The following RUFY1 variants were observed in gnomAD, a reference collection of about 807,000 sequenced individuals.
RUFY1 encodes the protein RUN and FYVE domain-containing protein 1.
Under a neutral mutation model 94.6 loss-of-function variants are expected in RUFY1, and 54 were observed. The ratio of observed to expected loss-of-function variants is 0.57; its 90% CI spans 0.46 to 0.72. The LOEUF (loss-of-function observed/expected upper bound fraction) is 0.72. Among genes scored for constraint, RUFY1 ranks in the 30% least tolerant of loss-of-function variants. RUFY1 has a pLI of 0.00. For synonymous variants in RUFY1, 396 were observed against 347.3 expected (o/e 1.14, Z -1.56); for missense variants, 883 against 883.9 (o/e 1.00, Z 0.01).
intron 6 of RUFY1, among the ~76,000 whole-genome samples, chr5:179,580,245 A>ATATATATAT (rs59300402): frequency 0.018 from 1,488 of 81,630 alleles, 28 homozygotes; most frequent in Middle Eastern, 0.033. Context: ...GTGTGTGTAT[A>ATATATATAT]TTTTTTTTTT....
At chr5:179,571,233 C>T (rs753869223) in intron 5 of RUFY1, among the ~76,000 whole-genome samples, 5 of 152,152 alleles carry the variant, frequency 3.3e-5, no homozygotes, top group East Asian at 1.9e-4. Context: ...ACATGGCTCA[C>T]GCCTGTAATT....
intron 15 of RUFY1, among the ~76,000 whole-genome samples, chr5:179,605,114 A>AG (rs1242371978): frequency 6.6e-6 from 1 of 152,140 alleles, no homozygotes; most frequent in Non-Finnish European, 1.5e-5. Context: ...CCCCACCTCT[A>AG]GAAAAAATAC....
Position 179,598,673 on chromosome 5 carries a change from G to A in RUFY1, c.1632-19G>A. 6.2e-7 allele frequency: 1 copy of A among 1,614,026 alleles called. No homozygotes were observed. The highest frequency in any genetic ancestry group is 8.5e-7 in the Non-Finnish European group (1 of 1,179,994). On this transcript the variant is annotated intron_variant, in intron 13 of 17. Transcript: ENST00000319449. ...AAGTCTCCCACTGAGACTAACTCAAGTTCATTTTGGGAAAACAGCTCAAGC... is the reference window on the plus strand; with the variant it reads ...AAGTCTCCCACTGAGACTAACTCAAATTCATTTTGGGAAAACAGCTCAAGC...
Position 179,609,505 on chromosome 5 carries a change from T to G in RUFY1, c.2113T>G (p.Ser705Ala), listed in dbSNP as rs138313632. The change falls in exon 18 of 18, where the codon TCC becomes GCC. Residue 705 changes from serine to alanine, a missense_variant. Coordinates refer to ENST00000319449, the MANE Select transcript of RUFY1 (RefSeq NM_025158.5). ...CACCCTGCTCCTGCAGCGCTGCTCC[T>G]CCACGGCCTCCTGAACGTCCGTCCT... Reference protein sequence around the residue: ...CHTLLLQRCSSTAS With the variant: ...CHTLLLQRCSATAS 2,863 of 1,604,818 alleles carry G rather than the reference T, an allele frequency of 1.8e-3. 2 individuals carry two copies. Among genetic ancestry groups the G allele is most frequent in the Non-Finnish European group, 2.3e-3 (2,705 of 1,178,352 alleles).
Position 179,589,667 on chromosome 5 carries a change from T to G in RUFY1, c.1128+20T>G, listed in dbSNP as rs765045004. 6 of 1,524,520 alleles carry G rather than the reference T, an allele frequency of 3.9e-6. No individual in the cohort carries two copies. The Admixed American group carries it at 6.7e-5, about 17-fold the overall frequency. 94.4% of individuals were successfully genotyped at this position (1,524,520 alleles called of 1,614,324 possible). The stretch of plus-strand genomic sequence containing the variant: ...GTAGAGGTGAGAAATTGACCTACAT[T>G]TGGGCAGCATGTTTCTCACTCAGAC... On this transcript the variant is annotated intron_variant, in intron 9 of 17. Transcript: ENST00000319449.
chr5:179,556,507 G>GTT (rs549470819), intron 1 of RUFY1, among the ~76,000 whole-genome samples: 37 of 142,670 alleles, frequency 2.6e-4, no homozygotes, highest in African/African-American at 8.7e-4. Flanking sequence ...CTTGAATTGC[G>GTT]TTTTTTTTTT....
At chr5:179,580,239 G>GTATATATATA (rs1390515466) in intron 6 of RUFY1, among the ~76,000 whole-genome samples, 48 of 51,282 alleles carry the variant, frequency 9.4e-4, no homozygotes, top group Non-Finnish European at 1.9e-3. Context: ...GTGTGTGTGT[G>GTATATATATA]TGTATATTTT....
chr5:179,553,917 A>G (rs1761981628), intron 1 of RUFY1, among the ~76,000 whole-genome samples: 1 of 152,232 alleles, frequency 6.6e-6, no homozygotes, highest in Non-Finnish European at 1.5e-5. Context: ...GGCTGGTCCC[A>G]AAGGTCACCG....
chr5:179,608,105 G>A (rs1261447232), intron 17 of RUFY1, among the ~76,000 whole-genome samples: 3 of 152,162 alleles, frequency 2.0e-5, no homozygotes, highest in Admixed American at 6.5e-5. Context: ...TTTAGGTTCT[G>A]GAAACAAGGT....
intron 6 of RUFY1, among the ~76,000 whole-genome samples, chr5:179,579,558 C>T (rs58311224): frequency 0.027 from 4,171 of 151,810 alleles, 202 homozygotes; most frequent in African/African-American, 0.096. Flanking sequence ...TCTCAAACTC[C>T]TGACCTCAAC....
intron 11 of RUFY1, 150 bp downstream of exon 11, chr5:179,593,795 A>G (rs1355394454): frequency 8.6e-6 from 11 of 1,283,594 alleles, no homozygotes; most frequent in Middle Eastern, 2.7e-4. Flanking sequence ...TTTGATCCTC[A>G]TGGCAGTCCC....
At chr5:179,560,461 T>G (rs2127509946) in intron 2 of RUFY1, among the ~76,000 whole-genome samples, 1 of 151,780 alleles carries the variant, frequency 6.6e-6, no homozygotes. Flanking sequence ...GGCTCACGCC[T>G]GTAATCCCAG....
At chr5:179,607,692 CCT>C in intron 17 of RUFY1, 33 bp downstream of exon 17, 5 of 1,579,938 alleles carry the variant, frequency 3.2e-6, no homozygotes, top group East Asian at 2.2e-5. Context: ...CTCCCAGTGC[CCT>C]GAGTCGTTGC....
At chr5:179,593,441 ATT>A (rs758408132) in intron 10 of RUFY1, 35 bp from the exon 11 acceptor site, 1 of 1,574,700 alleles carries the variant, frequency 6.4e-7, no homozygotes, top group South Asian at 1.1e-5. Flanking sequence ...TCTGTGATCT[ATT>A]TTAATAACAT....
Position 179,607,598 on chromosome 5 carries a change from A to C in RUFY1, c.1922A>C (p.Lys641Thr), listed in dbSNP as rs775410963. ...NQALKGHAWLKDDEATHCRQC... is the reference protein window; with the variant it reads ...NQALKGHAWLTDDEATHCRQC... The stretch of plus-strand genomic sequence containing the variant: ...CCTCTTCAGGGCCACGCCTGGCTGA[A>C]AGATGACGAAGCGACACACTGTAGG... The change falls in exon 17 of 18, where the codon AAA (lysine) becomes ACA (threonine). Residue 641 changes from lysine (K) to threonine (T), a missense_variant. Transcript: ENST00000319449. The C allele has an allele frequency of 6.2e-7, 1 of 1,614,130 alleles. No individual in the cohort carries two copies. The highest frequency in any genetic ancestry group is 8.5e-7 in the Non-Finnish European group (1 of 1,180,046).
chr5:179,561,545 C>T (rs894867231), intron 2 of RUFY1, among the ~76,000 whole-genome samples: 1 of 149,784 alleles, frequency 6.7e-6, no homozygotes, highest in Non-Finnish European at 1.5e-5. Context: ...AGCAGGAAGA[C>T]CAATTACAGC....
chr5:179,606,308 GTGCCAT>G (rs1246819492), intron 16 of RUFY1: 2 of 245,938 alleles, frequency 8.1e-6, no homozygotes, highest in Non-Finnish European at 1.6e-5. Context: ...GCAGTGCCCT[GTGCCAT>G]TGCTAGGGAC....
chr5:179,576,752 A>T (rs985114328), intron 5 of RUFY1, among the ~76,000 whole-genome samples: 2 of 152,102 alleles, frequency 1.3e-5, no homozygotes, highest in African/African-American at 4.8e-5. Flanking sequence ...AGAACTTTTT[A>T]TTATTATTAT....
At chr5:179,559,873 AC>A in intron 1 of RUFY1, 151 bp from the exon 2 acceptor site, 1 of 1,425,728 alleles carries the variant, frequency 7.0e-7, no homozygotes, top group Non-Finnish European at 9.2e-7. Context: ...GGGACTACTT[AC>A]CTGCGAATCC....
Sources: gnomAD v4.1 joint callset for allele counts (sites outside exome capture counted in the v4.1 genomes callset) on GRCh38, gnomAD v4.1.1 for gene constraint, MANE v1.5 for transcripts, NCBI Gene and HGNC (gene_info 2026-07-23, HGNC 2026-07-21) for gene names.